The following CFAP299 variants were observed in gnomAD, a reference collection of about 807,000 sequenced individuals.
The protein encoded by CFAP299 is cilia and flagella associated protein 299.
Under a neutral mutation model 27.0 loss-of-function variants are expected in CFAP299, and 21 were observed. The ratio of observed to expected loss-of-function variants is 0.78; its 90% confidence interval spans 0.55 to 1.12. The LOEUF (loss-of-function observed/expected upper bound fraction) is 1.12, where lower values mean the gene tolerates loss of function less well. Ranked by LOEUF, CFAP299 falls within the 50% of genes most tolerant of loss-of-function variation. CFAP299 has a pLI of 0.00. For missense variants in CFAP299, 310 were observed against 276.6 expected, an observed-to-expected ratio of 1.12 and a Z score of -0.86; for synonymous variants, 104 against 98.1, an observed-to-expected ratio of 1.06 and a Z score of -0.36.
intron 2 of CFAP299, among the ~76,000 whole-genome samples, chr4:80,553,017 T>C (rs1734603698): frequency 6.6e-6 from 1 of 152,082 alleles, no homozygotes; most frequent in South Asian, 2.1e-4. Flanking sequence ...TTTAAAGTTT[T>C]ATTTTAGATT....
At chr4:80,457,748 G>A (rs1042902051) in intron 2 of CFAP299, among the ~76,000 whole-genome samples, 45 of 152,046 alleles carry the variant, frequency 3.0e-4, no homozygotes, top group Admixed American at 1.0e-3. Flanking sequence ...CATGCAGTTC[G>A]TTTGCTGTAA....
intron 3 of CFAP299, among the ~76,000 whole-genome samples, chr4:80,866,059 T>TTATATATATA (rs70956073): frequency 0.063 from 3,627 of 57,926 alleles, 533 homozygotes; most frequent in Non-Finnish European, 0.11. Flanking sequence ...ACTTAAAGTA[T>TTATATATATA]TATATATATA....
intron 3 of CFAP299, among the ~76,000 whole-genome samples, chr4:80,687,656 C>T (rs767186044): frequency 1.3e-5 from 2 of 152,148 alleles, no homozygotes; most frequent in East Asian, 1.9e-4. Flanking sequence ...CTGTCTAAAA[C>T]ACAGAGCAGG....
intron 3 of CFAP299, among the ~76,000 whole-genome samples, chr4:80,684,237 T>C (rs187978611): frequency 6.6e-6 from 1 of 150,844 alleles, no homozygotes; most frequent in African/African-American, 2.4e-5. Flanking sequence ...TGTTCGTTTT[T>C]ATTTCTGTTA....
intron 2 of CFAP299, among the ~76,000 whole-genome samples, chr4:80,575,849 C>G (rs182602056): frequency 5.3e-5 from 8 of 152,164 alleles, no homozygotes; most frequent in Non-Finnish European, 1.0e-4. Flanking sequence ...TCATTTGCTT[C>G]AAGATATTTT....
rs150084200 is a variant in CFAP299, at chr4:80,944,666, A to C, written c.477-144A>C. On this transcript the variant is annotated intron_variant, in intron 4 of 5. Transcript: ENST00000358105. ...ATCTAATCTCTTGTGCAAGAATTTT[A>C]ATCTCAAATGTGTTCTACATGGTTG... The C allele has an allele frequency of 1.3e-3, 781 of 609,666 alleles. 5 individuals are homozygous for C. The African/African-American group carries it at 0.014, about 11-fold the overall frequency. 37.8% of individuals were successfully genotyped at this position (609,666 alleles called of 1,614,324 possible).
At chr4:80,349,163 T>C (rs1722901878) in intron 1 of CFAP299, among the ~76,000 whole-genome samples, 1 of 152,188 alleles carries the variant, frequency 6.6e-6, no homozygotes, top group Non-Finnish European at 1.5e-5. Context: ...GTCACAGAGC[T>C]AACCATGCAC....
intron 3 of CFAP299, among the ~76,000 whole-genome samples, chr4:80,748,028 A>G (rs571994030): frequency 9.2e-5 from 14 of 152,096 alleles, no homozygotes; most frequent in Non-Finnish European, 2.1e-4. Flanking sequence ...GAAATCAAAC[A>G]TGTCCAAAAA....
chr4:80,662,276 C>T lies in CFAP299; in HGVS notation c.333+79093C>T, dbSNP rs574700918. On this transcript the variant is annotated intron_variant, in intron 3 of 5. Transcript: ENST00000358105. ...CAGGGGGCATCACAGAACCAGCCGA[C>T]GTGTGATGTCTCCCCTGGACACCCA... 5.9e-5 allele frequency among the ~76,000 whole-genome samples: 9 copies of T among 152,112 alleles called. No individual in the cohort carries two copies. In the East Asian group the frequency reaches 9.7e-4, roughly 16 times the overall value.
At chr4:80,848,200 G>T (rs1461252584) in intron 3 of CFAP299, among the ~76,000 whole-genome samples, 3 of 151,256 alleles carry the variant, frequency 2.0e-5, no homozygotes, top group Non-Finnish European at 4.4e-5. Flanking sequence ...AATAGAGTGA[G>T]ACCCTGTCTC....
chr4:80,799,810 AATATATATATT>A (rs1323780109), intron 3 of CFAP299, among the ~76,000 whole-genome samples: 13 of 26,018 alleles, frequency 5.0e-4, no homozygotes, highest in African/African-American at 4.7e-3. Flanking sequence ...ATAATATATA[AATATATATATT>A]ATATATATTT....
chr4:80,506,777 T>C (rs1170646307), intron 2 of CFAP299, among the ~76,000 whole-genome samples: 7 of 152,230 alleles, frequency 4.6e-5, no homozygotes, highest in Non-Finnish European at 8.8e-5. Flanking sequence ...GAAAAGCAAA[T>C]TGATGGCAAT....
chr4:80,693,780 C>A (rs1720910872), intron 3 of CFAP299, among the ~76,000 whole-genome samples: 3 of 150,912 alleles, frequency 2.0e-5, no homozygotes, highest in African/African-American at 7.3e-5. Context: ...AGAGGGAATA[C>A]CCAGTTAATG....
intron 2 of CFAP299, among the ~76,000 whole-genome samples, chr4:80,494,035 A>G (rs1283948743): frequency 2.0e-5 from 3 of 151,858 alleles, no homozygotes; most frequent in Non-Finnish European, 4.4e-5. Context: ...TCGGCCTCCC[A>G]AAGTGCTGGG....
At chr4:80,810,732 A>G (rs1016088434) in intron 3 of CFAP299, among the ~76,000 whole-genome samples, 5 of 152,122 alleles carry the variant, frequency 3.3e-5, no homozygotes, top group African/African-American at 4.8e-5. Context: ...GAGATGATAA[A>G]TTTCTGTTGT....
At chr4:80,961,951 A>G (rs1368867740) in intron 5 of CFAP299, among the ~76,000 whole-genome samples, 10 of 151,974 alleles carry the variant, frequency 6.6e-5, no homozygotes, top group Non-Finnish European at 1.5e-4. Context: ...AGGAAATAAT[A>G]TATCAATTGT....
chr4:80,424,915 G>A (rs1560561475), intron 2 of CFAP299, among the ~76,000 whole-genome samples: 1 of 152,040 alleles, frequency 6.6e-6, no homozygotes, highest in Non-Finnish European at 1.5e-5. Context: ...ATACTCTTGG[G>A]GAGCCCAGCC....
At chr4:80,608,870 TG>T (rs1421007005) in intron 3 of CFAP299, among the ~76,000 whole-genome samples, 2 of 147,612 alleles carry the variant, frequency 1.4e-5, no homozygotes, top group African/African-American at 2.4e-5. Context: ...CATGTGTGTG[TG>T]TGTGTGTGTG....
At chr4:80,583,615 C>T (rs1736284100) in intron 3 of CFAP299, among the ~76,000 whole-genome samples, 1 of 151,786 alleles carries the variant, frequency 6.6e-6, no homozygotes, top group African/African-American at 2.4e-5. Context: ...ATACAAATCA[C>T]GTAGTAGAAG....
Sources: gnomAD v4.1 joint callset for allele counts (sites outside exome capture counted in the v4.1 genomes callset) on GRCh38, gnomAD v4.1.1 for gene constraint, MANE v1.5 for transcripts, NCBI Gene and HGNC (gene_info 2026-07-23, HGNC 2026-07-21) for gene names.